Variants in XKR9 observed in about 807,000 individuals in gnomAD.
XKR9 encodes the protein XK-related protein 9.
In XKR9, 32 loss-of-function variants were observed where a neutral mutation model predicts 32.0. The ratio of observed to expected loss-of-function variants is 1.00; its 90% confidence interval spans 0.76 to 1.34. The LOEUF is 1.34. Ranked by LOEUF, XKR9 falls within the 40% of genes most tolerant of loss-of-function variation. XKR9 has a pLI of 0.00. For synonymous variants in XKR9, 168 were observed against 143.4 expected, an observed-to-expected ratio of 1.17 and a Z score of -1.22; for missense variants, 546 against 429.7, an observed-to-expected ratio of 1.27 and a Z score of -2.39.
chr8:70,756,168 A>G (rs188205614), intron 2 of XKR9, among the ~76,000 whole-genome samples: 1 of 152,240 alleles, frequency 6.6e-6, no homozygotes, highest in Non-Finnish European at 1.5e-5. Context: ...ATTGAAAATC[A>G]GTTGACCTTA....
chr8:70,744,279 G>A (rs143351768), intron 2 of XKR9, among the ~76,000 whole-genome samples: 217 of 151,382 alleles, frequency 1.4e-3, no homozygotes, highest in African/African-American at 4.9e-3. Context: ...CCATTGCACT[G>A]CAGCCTGGGT....
At chr8:70,754,279 G>T (rs1182954055) in intron 2 of XKR9, among the ~76,000 whole-genome samples, 2 of 147,152 alleles carry the variant, frequency 1.4e-5, no homozygotes, top group Non-Finnish European at 3.0e-5. Flanking sequence ...ACAAACAAAT[G>T]GGAGAACATT....
the XKR9 span, among the ~76,000 whole-genome samples, chr8:70,970,915 A>C: frequency 3.9e-5 from 6 of 152,220 alleles, no homozygotes; most frequent in African/African-American, 1.4e-4. Context: ...AAAGATCTAG[A>C]ACTAGAAATA....
chr8:70,905,394 C>A, the XKR9 span, among the ~76,000 whole-genome samples: 1 of 152,122 alleles, frequency 6.6e-6, no homozygotes, highest in Non-Finnish European at 1.5e-5. Flanking sequence ...GATACCCTTC[C>A]TTCCACTTGA....
At chr8:70,688,224 A>G (rs1380142157) in intron 3 of XKR9, among the ~76,000 whole-genome samples, 1 of 152,218 alleles carries the variant, frequency 6.6e-6, no homozygotes. Context: ...AAACAGAGGT[A>G]GACCCTGGGA....
At chr8:70,676,468 A>G (rs1360690325) in intron 2 of XKR9, among the ~76,000 whole-genome samples, 1 of 152,188 alleles carries the variant, frequency 6.6e-6, no homozygotes, top group Non-Finnish European at 1.5e-5. Flanking sequence ...TCAACCATAG[A>G]GATAGAGATG....
chr8:70,886,301 T>C, the XKR9 span, among the ~76,000 whole-genome samples: 3 of 152,230 alleles, frequency 2.0e-5, no homozygotes, highest in African/African-American at 7.2e-5. Flanking sequence ...TGATGGGCAT[T>C]TGGGTTGATT....
the XKR9 span, among the ~76,000 whole-genome samples, chr8:71,028,674 T>C: frequency 6.6e-6 from 1 of 152,346 alleles, no homozygotes; most frequent in East Asian, 1.9e-4. Context: ...TAGCTTTATT[T>C]AATCATTTCA....
the XKR9 span, among the ~76,000 whole-genome samples, chr8:71,032,371 TTTA>T: frequency 6.6e-6 from 1 of 151,962 alleles, no homozygotes; most frequent in Non-Finnish European, 1.5e-5. Context: ...CTAGGAATTC[TTTA>T]GCTATCAAGT....
the XKR9 span, among the ~76,000 whole-genome samples, chr8:70,912,695 C>T: frequency 1.3e-5 from 2 of 151,952 alleles, no homozygotes; most frequent in East Asian, 1.9e-4. Flanking sequence ...ATTATATTGA[C>T]GATAGTTGAA....
chr8:70,865,496 T>A, the XKR9 span, among the ~76,000 whole-genome samples: 1 of 152,136 alleles, frequency 6.6e-6, no homozygotes, highest in Non-Finnish European at 1.5e-5. Context: ...ATAAAATAAT[T>A]TTGCAATTGT....
intron 2 of XKR9, among the ~76,000 whole-genome samples, chr8:70,751,701 T>C (rs1324648437): frequency 6.6e-6 from 1 of 152,140 alleles, no homozygotes; most frequent in Non-Finnish European, 1.5e-5. Context: ...ACACCAGAAC[T>C]TCAAGTTCTC....
the XKR9 span, among the ~76,000 whole-genome samples, chr8:70,850,478 A>G: frequency 4.6e-5 from 6 of 129,420 alleles, no homozygotes; most frequent in African/African-American, 5.5e-5. Flanking sequence ...AAAAAAAAAA[A>G]AAAAAAGAAA....
At chr8:70,808,782 A>G in the XKR9 span, among the ~76,000 whole-genome samples, 1 of 152,226 alleles carries the variant, frequency 6.6e-6, no homozygotes, top group Non-Finnish European at 1.5e-5. Flanking sequence ...TTGAGTAGGT[A>G]AACAAAGAGG....
chr8:70,841,494 T>C, the XKR9 span, among the ~76,000 whole-genome samples: 1 of 152,204 alleles, frequency 6.6e-6, no homozygotes, highest in Non-Finnish European at 1.5e-5. Context: ...CTTTATCTAT[T>C]GACCCCATTC....
At chr8:70,973,101 T>C in the XKR9 span, among the ~76,000 whole-genome samples, 21 of 152,268 alleles carry the variant, frequency 1.4e-4, no homozygotes, top group African/African-American at 5.1e-4. Flanking sequence ...CTGGACTTTT[T>C]TTTGTTGTTG....
chr8:70,710,299 AT>A (rs1187843948), intron 4 of XKR9, among the ~76,000 whole-genome samples: 4 of 152,220 alleles, frequency 2.6e-5, no homozygotes, highest in Non-Finnish European at 4.4e-5. Context: ...CTCAAGATGG[AT>A]TAAAGACTTA....
the XKR9 span, among the ~76,000 whole-genome samples, chr8:70,910,859 C>T: frequency 6.6e-6 from 1 of 152,190 alleles, no homozygotes; most frequent in Non-Finnish European, 1.5e-5. Flanking sequence ...GGACTGACGT[C>T]CTCATTTCCT....
At chr8:70,676,988 G>T (rs1246981345) in intron 2 of XKR9, among the ~76,000 whole-genome samples, 1 of 152,046 alleles carries the variant, frequency 6.6e-6, no homozygotes, top group African/African-American at 2.4e-5. Context: ...TAATTTTAAG[G>T]AAATTATCTA....
Sources: allele counts gnomAD v4.1 joint callset (sites outside exome capture counted in the v4.1 genomes callset), GRCh38; gene constraint gnomAD v4.1.1; transcripts MANE v1.5; gene names NCBI Gene and HGNC (gene_info 2026-07-23, HGNC 2026-07-21).